The following AKR1C3 variants were observed in gnomAD, a reference collection of about 807,000 sequenced individuals.
AKR1C3 encodes 3-alpha hydroxysteroid dehydrogenase, type II.
In AKR1C3, 48 loss-of-function variants were observed where a neutral mutation model predicts 43.6. The observed-to-expected ratio is 1.10, with a 90% CI of 0.87 to 1.40. The LOEUF (loss-of-function observed/expected upper bound fraction) is 1.40, where lower values mean the gene tolerates loss of function less well. Among genes scored for constraint, AKR1C3 ranks in the 40% most tolerant of loss-of-function variants. AKR1C3 has a pLI of 0.00. For synonymous variants in AKR1C3, 162 were observed against 139.6 expected (o/e 1.16, Z -1.13); for missense variants, 482 against 391.2 (o/e 1.23, Z -1.96).
At chr10:5,077,985 T>G in intron 1 of AKR1C3, 1 of 685,964 alleles carries the variant, frequency 1.5e-6, no homozygotes, top group Non-Finnish European at 2.6e-6. Context: ...CAGGTAAGAA[T>G]CCTACATTTT....
chr10:5,050,440 T>G (rs1417873064), intron 1 of AKR1C3, among the ~76,000 whole-genome samples: 42 of 152,392 alleles, frequency 2.8e-4, no homozygotes, highest in Non-Finnish European at 5.9e-5. Flanking sequence ...TTGAAGGTTT[T>G]AGTAGTCATA....
intron 1 of AKR1C3, chr10:5,049,030 A>G (rs569111629): frequency 1.5e-4 from 103 of 666,586 alleles, no homozygotes; most frequent in Non-Finnish European, 2.5e-4. Context: ...GGTTAAAGCT[A>G]TACTGTATGT....
chr10:5,104,903 C>A lies in AKR1C3; in HGVS notation c.847-692C>A, dbSNP rs114233899. On this transcript the variant is annotated intron_variant, in intron 7 of 8. Coordinates refer to ENST00000380554, the MANE Select transcript of AKR1C3 (RefSeq NM_003739.6). ...GTTAAAAGAAAAATGTAATGAACAC[C>A]TTTTACCTAGACTAATTGTTAACTT... Among the ~76,000 whole-genome samples, 291 of 152,144 alleles carry A rather than the reference C, an allele frequency of 1.9e-3. 2 individuals are homozygous for A. The highest frequency in any genetic ancestry group is 6.7e-3 in the African/African-American group (279 of 41,522).
At chr10:5,049,559 G>T (rs1554778746) in intron 1 of AKR1C3, among the ~76,000 whole-genome samples, 1 of 152,244 alleles carries the variant, frequency 6.6e-6, no homozygotes, top group African/African-American at 2.4e-5. Context: ...GTAACAAAAT[G>T]ATAGGAGTGG....
At chr10:5,106,471 C>T (rs1839502862) in intron 8 of AKR1C3, among the ~76,000 whole-genome samples, 1 of 151,968 alleles carries the variant, frequency 6.6e-6, no homozygotes, top group African/African-American at 2.4e-5. Flanking sequence ...GAAGTTATGG[C>T]CGGGCGCAGT....
intron 1 of AKR1C3, among the ~76,000 whole-genome samples, chr10:5,079,190 G>T (rs1554782126): frequency 6.6e-6 from 1 of 152,186 alleles, no homozygotes; most frequent in South Asian, 2.1e-4. Context: ...CTTGTCCAGT[G>T]TGTCTGAGGG....
intron 1 of AKR1C3, among the ~76,000 whole-genome samples, chr10:5,052,723 C>T (rs939997850): frequency 7.9e-5 from 12 of 151,886 alleles, no homozygotes; most frequent in South Asian, 2.1e-4. Flanking sequence ...TCTCCACGTC[C>T]GCACTAGATT....
At chr10:5,076,446 ATC>A in intron 1 of AKR1C3, among the ~76,000 whole-genome samples, 1 of 152,066 alleles carries the variant, frequency 6.6e-6, no homozygotes, top group East Asian at 1.9e-4. Flanking sequence ...TAAAAAACTA[ATC>A]TCTATTCTGC....
At chr10:5,049,780 A>G (rs1465201082) in intron 1 of AKR1C3, among the ~76,000 whole-genome samples, 2 of 152,158 alleles carry the variant, frequency 1.3e-5, no homozygotes, top group East Asian at 3.8e-4. Context: ...CTTGCACTGT[A>G]TTCCTTCTGT....
intron 1 of AKR1C3, among the ~76,000 whole-genome samples, chr10:5,079,042 G>A (rs1838775864): frequency 6.6e-6 from 1 of 152,194 alleles, no homozygotes; most frequent in Non-Finnish European, 1.5e-5. Context: ...TGGATGGCAT[G>A]CTAGACCTTC....
rs781866866 is a variant in AKR1C3 at position 5,096,407 on chromosome 10, C to T, written c.85-3C>T. The T allele has an allele frequency of 2.5e-6, 4 of 1,612,324 alleles. No individual in the cohort carries two copies. Among genetic ancestry groups the T allele is most frequent in the Non-Finnish European group, 2.5e-6 (3 of 1,178,886 alleles). On this transcript the variant is annotated splice_polypyrimidine_tract_variant and splice_region_variant and intron_variant, in intron 1 of 8. Transcript: ENST00000380554. ...CAGATACTACCTTTGGTTGCTCCTC[C>T]AGGTTCCGAGAAGTAAAGCTTTGGA...
At chr10:5,075,752 C>T (rs1838703237) in intron 1 of AKR1C3, among the ~76,000 whole-genome samples, 1 of 151,928 alleles carries the variant, frequency 6.6e-6, no homozygotes, top group African/African-American at 2.4e-5. Flanking sequence ...TGCATGCCTC[C>T]TATCCCACCT....
In AKR1C3 at chr10:5,107,563, A is replaced by G; in HGVS notation, c.*60A>G. 1 of 1,361,748 alleles carries G rather than the reference A, an allele frequency of 7.3e-7. No individual in the cohort carries two copies. Among genetic ancestry groups the G allele is most frequent in the East Asian group, 2.3e-5 (1 of 43,132 alleles). 84.4% of individuals were successfully genotyped at this position (1,361,748 alleles called of 1,614,324 possible). Reference sequence around the variant, plus strand: ...CTGTGTGTGGATGGTGACGCAGAGGACGTCTCTATGCCGGTGACTGGACAT... The same window carrying G: ...CTGTGTGTGGATGGTGACGCAGAGGGCGTCTCTATGCCGGTGACTGGACAT... On this transcript the variant is annotated 3_prime_UTR_variant, in exon 9 of 9. Coordinates refer to ENST00000380554, the MANE Select transcript of AKR1C3 (RefSeq NM_003739.6).
At chr10:5,102,336 T>A in intron 6 of AKR1C3, 126 bp downstream of exon 6, 3 of 1,595,164 alleles carry the variant, frequency 1.9e-6, no homozygotes, top group African/African-American at 1.4e-5. Flanking sequence ...ATTGCATTTC[T>A]GACGAGATCT....
intron 1 of AKR1C3, among the ~76,000 whole-genome samples, chr10:5,069,424 CA>C (rs1427131686): frequency 1.3e-5 from 2 of 152,216 alleles, no homozygotes; most frequent in East Asian, 1.9e-4. Context: ...GCCTAAAATC[CA>C]AAAAGTTAGT....
rs1554787552 is a variant in AKR1C3, at chr10:5,107,546, G to A, written c.*43G>A. 2.7e-6 allele frequency: 4 copies of A among 1,476,692 alleles called. No homozygotes were observed. The South Asian group carries it at 3.4e-5, about 13-fold the overall frequency. 91.5% of individuals were successfully genotyped at this position (1,476,692 alleles called of 1,614,324 possible). On this transcript the variant is annotated 3_prime_UTR_variant, in exon 9 of 9. Coordinates refer to ENST00000380554, the MANE Select transcript of AKR1C3 (RefSeq NM_003739.6). ...GATGTCTACCAGAAGCCCTGTGTGTGGATGGTGACGCAGAGGACGTCTCTA... is the reference window on the plus strand; with the variant it reads ...GATGTCTACCAGAAGCCCTGTGTGTAGATGGTGACGCAGAGGACGTCTCTA...
Position 5,096,531 on chromosome 10 carries a change from T to C in AKR1C3, c.206T>C (p.Ile69Thr), listed in dbSNP as rs782231193. 4.3e-6 allele frequency: 7 copies of C among 1,613,830 alleles called. No homozygotes were observed. The highest frequency in any genetic ancestry group is 2.2e-5 in the East Asian group (1 of 44,874). The change falls in exon 2 of 9, where the codon ATT becomes ACT. Residue 69 changes from isoleucine to threonine, a missense_variant. Coordinates refer to ENST00000380554, the MANE Select transcript of AKR1C3 (RefSeq NM_003739.6). ...EQVGLAIRSK[I>T]ADGSVKREDI... ...GTTGGACTGGCCATCCGAAGCAAGA[T>C]TGCAGATGGCAGTGTGAAGAGAGAA...
At chr10:5,083,039 G>A (rs1270110759) in intron 1 of AKR1C3, among the ~76,000 whole-genome samples, 1 of 151,694 alleles carries the variant, frequency 6.6e-6, no homozygotes, top group Non-Finnish European at 1.5e-5. Context: ...AATGTTGGGA[G>A]GTTGTGTGTT....
chr10:5,062,949 G>T (rs2211623), intron 1 of AKR1C3, among the ~76,000 whole-genome samples: 146,013 of 152,060 alleles, frequency 0.96, 70,136 homozygotes, highest in East Asian at 0.99. Context: ...GTAAGAAAAT[G>T]GTATAGGGAC....
Sources: allele counts gnomAD v4.1 joint callset (sites outside exome capture counted in the v4.1 genomes callset), GRCh38; gene constraint gnomAD v4.1.1; transcripts MANE v1.5; gene names NCBI Gene and HGNC (gene_info 2026-07-23, HGNC 2026-07-21).